Variants in TACO1 observed in about 807,000 individuals in gnomAD.
TACO1 encodes translational activator of cytochrome c oxidase 1.
Under a neutral mutation model 24.0 loss-of-function variants are expected in TACO1, and 13 were observed. That is an observed-to-expected ratio of 0.54 (90% CI 0.35 to 0.86). The LOEUF is 0.86. Ranked by LOEUF, TACO1 falls within the 40% of genes least tolerant of loss-of-function variation. The probability of loss-of-function intolerance (pLI) is 0.01; values close to 1 mark genes in which losing one functional copy is unlikely to be tolerated. For missense variants in TACO1, 352 were observed against 380.1 expected, an observed-to-expected ratio of 0.93 and a Z score of 0.61; for synonymous variants, 149 against 153.5, an observed-to-expected ratio of 0.97 and a Z score of 0.22.
intron 2 of TACO1, among the ~76,000 whole-genome samples, chr17:63,606,102 C>T (rs575838076): frequency 8.5e-5 from 13 of 152,124 alleles, no homozygotes; most frequent in South Asian, 8.3e-4. Context: ...GTTCAGGGAC[C>T]GGAGAAACAG....
rs1320054771 is a variant in TACO1, at chr17:63,608,238, A to C, written c.*236A>C. ...AGTGTCCCGACACCCTCTCGGATGCAGGGCAGGACCACCCAGCTGGTCAGA... is the reference window on the plus strand; with the variant it reads ...AGTGTCCCGACACCCTCTCGGATGCCGGGCAGGACCACCCAGCTGGTCAGA... On this transcript the variant is annotated 3_prime_UTR_variant, in exon 5 of 5. Coordinates refer to ENST00000258975, the MANE Select transcript of TACO1 (RefSeq NM_016360.4). 3.5e-6 allele frequency: 2 copies of C among 576,670 alleles called. No homozygotes were observed. Among genetic ancestry groups the C allele is most frequent in the Non-Finnish European group, 6.2e-6 (2 of 320,316 alleles). The allele number at this position is 576,670 out of a possible 1,614,324, so 35.7% of individuals were successfully genotyped here. A position where few individuals can be genotyped will look rare whatever the true frequency, so the allele number is the denominator to read the frequency against.
In TACO1 at chr17:63,607,915, T is replaced by A; in HGVS notation, c.807T>A (p.Ala269=). 1 of 1,614,246 alleles carries A rather than the reference T, an allele frequency of 6.2e-7. No homozygotes were observed. Among genetic ancestry groups the A allele is most frequent in the Non-Finnish European group, 8.5e-7 (1 of 1,180,046 alleles). ...TCCCCAACTCAAAGGTGCAGCTGGC[T>A]GAGCCCGACCTGGAACAGGCCGCAC... The part of the protein sequence containing the change: ...EFIPNSKVQL[A]EPDLEQAAHL... The change falls in exon 5 of 5, where the codon GCT becomes GCA. Residue 269 remains alanine, a synonymous_variant. Coordinates refer to ENST00000258975, the MANE Select transcript of TACO1 (RefSeq NM_016360.4).
At chr17:63,601,514 C>T (rs2033821631) in intron 1 of TACO1, 151 bp downstream of exon 1, 3 of 847,432 alleles carry the variant, frequency 3.5e-6, no homozygotes, top group African/African-American at 1.7e-5. Flanking sequence ...CTCATAAATC[C>T]TCAAAACACC....
chr17:63,606,890 G>C (rs970859390), intron 3 of TACO1: 1 of 364,370 alleles, frequency 2.7e-6, no homozygotes, highest in Middle Eastern at 8.9e-4. Flanking sequence ...TGAGTTAATT[G>C]ACTTTCCCTT....
At chr17:63,606,478 C>T (rs376718552) in intron 3 of TACO1, 38 bp downstream of exon 3, 8 of 1,611,634 alleles carry the variant, frequency 5.0e-6, no homozygotes, top group Non-Finnish European at 6.8e-6. Context: ...GGGGACAGAG[C>T]CTTTATGTTC....
chr17:63,606,981 T>C (rs1262221618), intron 3 of TACO1: 2 of 468,068 alleles, frequency 4.3e-6, no homozygotes, highest in East Asian at 8.5e-5. Context: ...TCCCCATCTG[T>C]AGCCATATAA....
chr17:63,601,160 C>A lies in TACO1; in HGVS notation c.77C>A (p.Ala26Glu). The A allele has an allele frequency of 6.5e-7, 1 of 1,544,900 alleles. No individual in the cohort carries two copies. Among genetic ancestry groups the A allele is most frequent in the Non-Finnish European group, 8.7e-7 (1 of 1,145,534 alleles). Residue 26 changes from alanine (A) to glutamate (E), a missense_variant, in exon 1 of 5, where the codon GCG becomes GAG. By Grantham distance (107) the Ala-to-Glu change is moderately radical. Transcript: ENST00000258975. ...CLLARGPGVR[A>E]APPRDPRPSH... is the part of the protein sequence containing the mutation. Reference sequence around the variant, plus strand: ...CTGGCACGAGGCCCCGGGGTCAGGGCGGCTCCTCCGCGCGACCCCCGGCCC... The same window carrying A: ...CTGGCACGAGGCCCCGGGGTCAGGGAGGCTCCTCCGCGCGACCCCCGGCCC...
At position 63,608,156 on chromosome 17, in the gene TACO1, A is replaced by G; in HGVS notation, c.*154A>G. Reference sequence around the variant, plus strand: ...GACTTGCGACCTTGAAGCCAAAGGAATCTCACTTGTGGGGCCTCCTTGTCA... The same window carrying G: ...GACTTGCGACCTTGAAGCCAAAGGAGTCTCACTTGTGGGGCCTCCTTGTCA... On this transcript the variant is annotated 3_prime_UTR_variant, in exon 5 of 5. Transcript: ENST00000258975. 2 of 806,966 alleles carry G rather than the reference A, an allele frequency of 2.5e-6. No homozygotes were observed. Among genetic ancestry groups the G allele is most frequent in the Non-Finnish European group, 4.1e-6 (2 of 486,328 alleles). The allele number at this position is 806,966 out of a possible 1,614,324, so 50.0% of individuals were successfully genotyped here.
At chr17:63,605,177 TGCTCA>T (rs1185540128) in intron 2 of TACO1, among the ~76,000 whole-genome samples, 1 of 152,120 alleles carries the variant, frequency 6.6e-6, no homozygotes, top group Non-Finnish European at 1.5e-5. Flanking sequence ...AGACCGGGAC[TGCTCA>T]GCCAAGTTGT....
intron 1 of TACO1, among the ~76,000 whole-genome samples, chr17:63,601,703 G>A (rs919709045): frequency 1.3e-5 from 2 of 152,162 alleles, no homozygotes; most frequent in Non-Finnish European, 2.9e-5. Context: ...TGTCTCTCCT[G>A]AAGAGACAAA....
At position 63,601,104 on chromosome 17, in the gene TACO1, C is replaced by T. The variant is rs1257885946; in HGVS notation, c.21C>T (p.Ala7=). The change falls in exon 1 of 5, where the codon GCC becomes GCT. Residue 7 remains alanine (A), a synonymous_variant. Coordinates refer to ENST00000258975, the MANE Select transcript of TACO1 (RefSeq NM_016360.4). ...GACCGATGTCGGCTTGGGCTGCTGC[C>T]AGCCTAAGCAGGGCCGCTGCCCGAT... The part of the protein sequence containing the change: MSAWAA[A]SLSRAAARCL... The T allele has an allele frequency of 1.3e-6, 2 of 1,541,888 alleles. No homozygotes were observed. The highest frequency in any genetic ancestry group is 2.4e-5 in the East Asian group (1 of 40,866).
chr17:63,604,767 A>C lies in TACO1; in HGVS notation c.387+127A>C, dbSNP rs2033850420. On this transcript the variant is annotated intron_variant, in intron 2 of 4. Coordinates refer to ENST00000258975, the MANE Select transcript of TACO1 (RefSeq NM_016360.4). ...AGTGGCTCACGACTATAATCCCAGCACTTTGGGAGGCTAAGGTGGGTGGAT... is the reference window on the plus strand; with the variant it reads ...AGTGGCTCACGACTATAATCCCAGCCCTTTGGGAGGCTAAGGTGGGTGGAT... The C allele has an allele frequency of 6.8e-6, 6 of 877,084 alleles. No homozygotes were observed. In the African/African-American group the frequency reaches 9.8e-5, roughly 14 times the overall value. The allele number at this position is 877,084 out of a possible 1,614,324, so 54.3% of individuals were successfully genotyped here.
rs537086104 is a variant in TACO1, at chr17:63,603,048, C to T, written c.281-1486C>T. On this transcript the variant is annotated intron_variant, in intron 1 of 4. Coordinates refer to ENST00000258975, the MANE Select transcript of TACO1 (RefSeq NM_016360.4). ...CAGATCGAGACCATCCTGGCTAACA[C>T]GGTGAAACCCCGTCTCTACTAAAAA... Among the ~76,000 whole-genome samples the T allele has an allele frequency of 9.5e-4, 145 of 151,920 alleles. 4 individuals are homozygous for T. In the South Asian group the frequency reaches 0.029, roughly 31 times the overall value.
intron 1 of TACO1, 144 bp downstream of exon 1, chr17:63,601,507 A>T: frequency 1.1e-6 from 1 of 908,232 alleles, no homozygotes; most frequent in Non-Finnish European, 1.7e-6. Flanking sequence ...TGCCCACCTC[A>T]TAAATCCTCA....
Position 63,601,377 on chromosome 17 carries a change from G to A in TACO1, c.280+14G>A, listed in dbSNP as rs765240652. ...TGGCAGTGAAAGGTGAGACCCTGAC[G>A]GTCACCCAGCACTGGCTGCCGCTGC... On this transcript the variant is annotated intron_variant, in intron 1 of 4. Transcript: ENST00000258975. The A allele has an allele frequency of 1.2e-6, 2 of 1,610,896 alleles. No individual in the cohort carries two copies. The highest frequency in any genetic ancestry group is 1.1e-5 in the South Asian group (1 of 90,912).
Position 63,600,980 on chromosome 17 carries a change from G to A in TACO1, c.-104G>A. 4 of 1,378,548 alleles carry A rather than the reference G, an allele frequency of 2.9e-6. No homozygotes were observed. The highest frequency in any genetic ancestry group is 3.0e-6 in the Non-Finnish European group (3 of 1,010,032). 85.4% of individuals were successfully genotyped at this position (1,378,548 alleles called of 1,614,324 possible). On this transcript the variant is annotated 5_prime_UTR_variant, in exon 1 of 5. Transcript: ENST00000258975. ...CCAAGCCTTTGGATCTCAGGTGACC[G>A]GCACAGGCGGCCGCGGGGTCCGGAA...
intron 1 of TACO1, among the ~76,000 whole-genome samples, chr17:63,602,090 C>CAAAAAAAAAAAAAAAAAAAAAA (rs11288092): frequency 1.2e-5 from 1 of 84,222 alleles, no homozygotes; most frequent in Non-Finnish European, 2.2e-5. Context: ...CTAAAAATAA[C>CAAAAAAAAAAAAAAAAAAAAAA]AAAAAAAAAA....
At chr17:63,604,010 C>CT (rs1414784265) in intron 1 of TACO1, among the ~76,000 whole-genome samples, 1 of 150,576 alleles carries the variant, frequency 6.6e-6, no homozygotes, top group Non-Finnish European at 1.5e-5. Context: ...CAAAGTGAGA[C>CT]TTTGTCTCAA....
Position 63,608,258 on chromosome 17 carries a change from G to T in TACO1, c.*256G>T. The T allele has an allele frequency of 3.7e-6, 2 of 538,346 alleles. No individual in the cohort carries two copies. Among genetic ancestry groups the T allele is most frequent in the South Asian group, 3.9e-5 (2 of 50,992 alleles). 33.3% of individuals were successfully genotyped at this position (538,346 alleles called of 1,614,324 possible). On this transcript the variant is annotated 3_prime_UTR_variant, in exon 5 of 5. Coordinates refer to ENST00000258975, the MANE Select transcript of TACO1 (RefSeq NM_016360.4). ...GATGCAGGGCAGGACCACCCAGCTGGTCAGACTCTGATGTTGGGTAGCTGG... is the reference window on the plus strand; with the variant it reads ...GATGCAGGGCAGGACCACCCAGCTGTTCAGACTCTGATGTTGGGTAGCTGG...
Sources: allele counts gnomAD v4.1 joint callset (sites outside exome capture counted in the v4.1 genomes callset), GRCh38; gene constraint gnomAD v4.1.1; transcripts MANE v1.5; gene names NCBI Gene and HGNC (gene_info 2026-07-23, HGNC 2026-07-21).